Variants in FMNL2 observed in about 807,000 individuals in gnomAD.
FMNL2 encodes the protein formin-like protein 2.
Under a neutral mutation model 130.2 loss-of-function variants are expected in FMNL2, and 51 were observed. The observed-to-expected ratio is 0.39, with a 90% CI of 0.31 to 0.49. The LOEUF (loss-of-function observed/expected upper bound fraction) is 0.49. FMNL2 is among the 20% of genes least tolerant of loss of function. The pLI is 0.85. For synonymous variants in FMNL2, 465 were observed against 467.1 expected, an observed-to-expected ratio of 1.00 and a Z score of 0.06; for missense variants, 977 against 1,316.2, an observed-to-expected ratio of 0.74 and a Z score of 3.99.
intron 25 of FMNL2, among the ~76,000 whole-genome samples, chr2:152,642,477 C>A (rs927203616): frequency 2.0e-5 from 3 of 152,246 alleles, no homozygotes; most frequent in African/African-American, 7.2e-5. Flanking sequence ...ACATGGCACA[C>A]ACACTCTGCA....
intron 6 of FMNL2, among the ~76,000 whole-genome samples, chr2:152,569,103 G>A (rs1296589042): frequency 9.7e-6 from 1 of 103,304 alleles, no homozygotes; most frequent in East Asian, 3.2e-4. Flanking sequence ...TTCCCCCCCC[G>A]CCCCAATCTT....
intron 1 of FMNL2, among the ~76,000 whole-genome samples, chr2:152,461,201 A>C (rs542521894): frequency 7.2e-5 from 11 of 152,262 alleles, no homozygotes; most frequent in Non-Finnish European, 1.2e-4. Flanking sequence ...ACGTTAGGAG[A>C]TAAGAAAGAA....
chr2:152,529,849 T>C (rs1291500251), intron 2 of FMNL2, among the ~76,000 whole-genome samples: 1 of 152,142 alleles, frequency 6.6e-6, no homozygotes, highest in Non-Finnish European at 1.5e-5. Context: ...GGTGGCTTGA[T>C]AGAAATACTC....
intron 1 of FMNL2, among the ~76,000 whole-genome samples, chr2:152,371,214 T>G (rs1486695815): frequency 1.3e-5 from 2 of 152,188 alleles, no homozygotes; most frequent in Non-Finnish European, 2.9e-5. Context: ...TCAGCCCTAT[T>G]TATCATGGGG....
At chr2:152,565,183 A>G (rs1198840119) in intron 6 of FMNL2, among the ~76,000 whole-genome samples, 6 of 152,230 alleles carry the variant, frequency 3.9e-5, no homozygotes, top group African/African-American at 1.4e-4. Context: ...AAGAAGGTCC[A>G]AGTTAATGCT....
chr2:152,490,023 T>TG (rs878989965), intron 1 of FMNL2, among the ~76,000 whole-genome samples: 3 of 152,206 alleles, frequency 2.0e-5, no homozygotes, highest in Admixed American at 2.0e-4. Context: ...TGCAGCCACT[T>TG]AAGTATTAGC....
At chr2:152,352,234 A>G (rs932038656) in intron 1 of FMNL2, among the ~76,000 whole-genome samples, 4 of 152,206 alleles carry the variant, frequency 2.6e-5, no homozygotes, top group African/African-American at 9.6e-5. Flanking sequence ...GATTTCATGC[A>G]TGTTCAGTAA....
intron 1 of FMNL2, among the ~76,000 whole-genome samples, chr2:152,430,201 A>G (rs13388095): frequency 0.21 from 31,224 of 152,176 alleles, 3,465 homozygotes; most frequent in Middle Eastern, 0.37. Flanking sequence ...TTCATTTTCT[A>G]TGTGGAAGTC....
intron 4 of FMNL2, among the ~76,000 whole-genome samples, chr2:152,551,142 C>CT (rs1437400863): frequency 1.0e-5 from 1 of 97,866 alleles, no homozygotes; most frequent in African/African-American, 4.8e-5. Context: ...TCCATCTCAC[C>CT]GAAAAAAAAA....
intron 1 of FMNL2, among the ~76,000 whole-genome samples, chr2:152,410,820 T>C (rs754820047): frequency 2.5e-4 from 38 of 152,162 alleles, no homozygotes; most frequent in Non-Finnish European, 4.7e-4. Context: ...AGACCCCCCC[T>C]TGGGAGAGAA....
In FMNL2 at chr2:152,417,649, A is replaced by C. The variant is rs557052819; in HGVS notation, c.117+81929A>C. Among the ~76,000 whole-genome samples, 201 of 152,192 alleles carry C rather than the reference A, an allele frequency of 1.3e-3. 1 individual carries two copies. Among genetic ancestry groups the C allele is most frequent in the African/African-American group, 4.7e-3 (196 of 41,522 alleles). ...AAGAAAACATGCTGGCACCTGATGT[A>C]TATCCCCTTTTGCTCTGCTTCCATC... On this transcript the variant is annotated intron_variant, in intron 1 of 25. Coordinates refer to ENST00000288670, the MANE Select transcript of FMNL2 (RefSeq NM_052905.4).
At position 152,395,285 on chromosome 2, in the gene FMNL2, T is replaced by C. The variant is rs1035524515; in HGVS notation, c.117+59565T>C. 2.6e-5 allele frequency among the ~76,000 whole-genome samples: 4 copies of C among 152,056 alleles called. No individual in the cohort carries two copies. In the East Asian group the frequency reaches 5.8e-4, roughly 22 times the overall value. On this transcript the variant is annotated intron_variant, in intron 1 of 25. Coordinates refer to ENST00000288670, the MANE Select transcript of FMNL2 (RefSeq NM_052905.4). ...TGAGGTGGCAAACCCTACACAAGAG[T>C]TAAAGAGATGAGTAGTGCTTAGGAT...
intron 6 of FMNL2, among the ~76,000 whole-genome samples, chr2:152,571,530 G>A (rs191852494): frequency 2.8e-4 from 43 of 152,256 alleles, no homozygotes; most frequent in African/African-American, 9.6e-4. Flanking sequence ...TATAGTAACC[G>A]TTTCACTTTA....
chr2:152,479,128 G>T (rs1297214052), intron 1 of FMNL2, among the ~76,000 whole-genome samples: 1 of 151,918 alleles, frequency 6.6e-6, no homozygotes, highest in Non-Finnish European at 1.5e-5. Flanking sequence ...GTTGTTGTTG[G>T]TTTGTTTTGT....
At chr2:152,430,699 C>T (rs572063207) in intron 1 of FMNL2, among the ~76,000 whole-genome samples, 3 of 152,212 alleles carry the variant, frequency 2.0e-5, no homozygotes, top group African/African-American at 7.2e-5. Flanking sequence ...ATGGTGAAAC[C>T]TCGTCTCTAC....
chr2:152,538,169 G>A (rs1237750559), intron 2 of FMNL2, among the ~76,000 whole-genome samples: 1 of 152,170 alleles, frequency 6.6e-6, no homozygotes, highest in Non-Finnish European at 1.5e-5. Flanking sequence ...ATTGCACGTA[G>A]CTGCTAAAGG....
At chr2:152,646,539 TTA>T (rs1447503460) in intron 25 of FMNL2, among the ~76,000 whole-genome samples, 1 of 151,650 alleles carries the variant, frequency 6.6e-6, no homozygotes, top group African/African-American at 2.4e-5. Flanking sequence ...ACCCTGGTCT[TTA>T]TGTTAATTAC....
intron 1 of FMNL2, among the ~76,000 whole-genome samples, chr2:152,377,750 TTACTTGGGATTGCTAAAATAATCA>T (rs1684250471): frequency 1.3e-5 from 2 of 152,230 alleles, no homozygotes; most frequent in East Asian, 3.8e-4. Flanking sequence ...TGGCATCCCA[TTACTTGGGATTGCTAAAATAATCA>T]TACTTGCAGT....
chr2:152,424,533 GGC>G (rs1376530420), intron 1 of FMNL2, among the ~76,000 whole-genome samples: 1 of 152,074 alleles, frequency 6.6e-6, no homozygotes, highest in African/African-American at 2.4e-5. Flanking sequence ...TGGGATTACA[GGC>G]GTGCGCCACC....
Sources: allele counts gnomAD v4.1 joint callset (sites outside exome capture counted in the v4.1 genomes callset), GRCh38; gene constraint gnomAD v4.1.1; transcripts MANE v1.5; gene names NCBI Gene and HGNC (gene_info 2026-07-23, HGNC 2026-07-21).